The following PXK variants were observed in gnomAD, a reference collection of about 807,000 sequenced individuals.
PXK encodes PX domain containing serine/threonine kinase like, also known as PX domain-containing protein kinase-like protein.
A neutral mutation model predicts 84.7 loss-of-function variants in PXK; 35 were observed. That is an observed-to-expected ratio of 0.41 (90% CI 0.32 to 0.55). PXK has a LOEUF of 0.55. Among genes scored for constraint, PXK ranks in the 20% least tolerant of loss-of-function variants. The pLI is 0.21. For missense variants in PXK, 634 were observed against 699.7 expected, an observed-to-expected ratio of 0.91 and a Z score of 1.06; for synonymous variants, 253 against 260.8, an observed-to-expected ratio of 0.97 and a Z score of 0.29.
At position 58,370,870 on chromosome 3, in the gene PXK, C is replaced by T. The variant is rs1341126502; in HGVS notation, c.201+1392C>T. 1.3e-5 allele frequency among the ~76,000 whole-genome samples: 2 copies of T among 151,314 alleles called. No individual in the cohort carries two copies. Among genetic ancestry groups the T allele is most frequent in the Admixed American group, 6.6e-5 (1 of 15,184 alleles). Reference sequence around the variant, plus strand: ...AAAAATTAGCTGGGTGTGGTGTGGGCGCCTGTAATCCCAGCTACTCAGGGG... The same window carrying T: ...AAAAATTAGCTGGGTGTGGTGTGGGTGCCTGTAATCCCAGCTACTCAGGGG... On this transcript the variant is annotated intron_variant, in intron 3 of 17. Transcript: ENST00000356151. This position sits in a 1 kb window ranked among gnomAD's most constrained non-coding sequence, Gnocchi z 4.2.
intron 1 of PXK, among the ~76,000 whole-genome samples, chr3:58,346,299 G>A (rs1344545809): frequency 2.0e-5 from 3 of 152,112 alleles, no homozygotes; most frequent in Non-Finnish European, 4.4e-5. Context: ...TGTGTGCAAG[G>A]TGCAGTGGAA....
chr3:58,336,053 ATATATATATATATATATATTTTTTT>A lies in PXK; in HGVS notation c.102+2965_102+2989del, dbSNP rs1485931950. Among the ~76,000 whole-genome samples, 160 of 61,220 alleles carry A rather than the reference ATATATATATATATATATATTTTTTT, an allele frequency of 2.6e-3. 2 individuals are homozygous for A. Among genetic ancestry groups the A allele is most frequent in the African/African-American group, 0.017 (148 of 8,864 alleles). The allele number at this position is 61,220 out of a possible 152,430, so 40.2% of individuals were successfully genotyped here. A position where few individuals can be genotyped will look rare whatever the true frequency, so the allele number is the denominator to read the frequency against. ...CCTTGGGAAACATATATATATATAT[ATATATATATATATATATATTTTTTT>A]TTTTTTTTTTTAATACCAATGGGGT... On this transcript the variant is annotated intron_variant, in intron 1 of 17. Coordinates refer to ENST00000356151, the MANE Select transcript of PXK (RefSeq NM_017771.5).
Position 58,409,632 on chromosome 3 carries a change from C to T in PXK, c.1395+14C>T. 6.3e-7 allele frequency: 1 copy of T among 1,596,690 alleles called. No homozygotes were observed. The highest frequency in any genetic ancestry group is 8.6e-7 in the Non-Finnish European group (1 of 1,167,616). ...TTAGCTCGAAAGGTAAGCCTGCTGT[C>T]TCTCTGCAGTCCCTCTATGAGTTCT... is the stretch of plus-strand genomic sequence containing the variant. On this transcript the variant is annotated intron_variant, in intron 15 of 17. Transcript: ENST00000356151. The surrounding 1 kb of genome is among the most constrained non-coding windows in gnomAD (Gnocchi z 4.2).
intron 13 of PXK, among the ~76,000 whole-genome samples, chr3:58,405,039 T>C (rs1003375136): frequency 6.6e-6 from 1 of 152,204 alleles, no homozygotes; most frequent in Non-Finnish European, 1.5e-5. Context: ...GCCTTTAGGA[T>C]TCAGGAGTTA....
chr3:58,366,893 T>A lies in PXK; in HGVS notation c.153+969T>A, dbSNP rs370724610. ...CAGAGTAGAGTTGGAATTTGCTCATTCTCTGTGGTTAACCACTCTACGATC... is the reference window on the plus strand; with the variant it reads ...CAGAGTAGAGTTGGAATTTGCTCATACTCTGTGGTTAACCACTCTACGATC... On this transcript the variant is annotated intron_variant, in intron 2 of 17. Coordinates refer to ENST00000356151, the MANE Select transcript of PXK (RefSeq NM_017771.5). Among the ~76,000 whole-genome samples the A allele has an allele frequency of 3.3e-5, 5 of 152,344 alleles. No homozygotes were observed. The East Asian group carries it at 9.6e-4, about 29-fold the overall frequency.
At chr3:58,367,249 C>CTT (rs374016533) in intron 2 of PXK, among the ~76,000 whole-genome samples, 30 of 143,394 alleles carry the variant, frequency 2.1e-4, no homozygotes, top group African/African-American at 7.4e-4. Flanking sequence ...TTAATAAAAG[C>CTT]TTTTTTTTTT....
intron 1 of PXK, among the ~76,000 whole-genome samples, chr3:58,347,833 A>G (rs916571448): frequency 6.6e-6 from 1 of 152,214 alleles, no homozygotes; most frequent in Non-Finnish European, 1.5e-5. Context: ...TTTGAATTGC[A>G]TTAGTTATTA....
In PXK at chr3:58,364,879, T is replaced by G. The variant is rs2098247559; in HGVS notation, c.103-995T>G. Among the ~76,000 whole-genome samples the G allele has an allele frequency of 6.6e-6, 1 of 152,186 alleles. No individual in the cohort carries two copies. ...CATTTGATATCTGCACAGTCTGTAG[T>G]GGTATCCTAATTCATTCTTGATATT... On this transcript the variant is annotated intron_variant, in intron 1 of 17. Transcript: ENST00000356151. The surrounding 1 kb of genome is among the most constrained non-coding windows in gnomAD (Gnocchi z 4.3).
intron 4 of PXK, among the ~76,000 whole-genome samples, chr3:58,389,069 A>C (rs1221906273): frequency 6.6e-6 from 1 of 152,150 alleles, no homozygotes; most frequent in Non-Finnish European, 1.5e-5. Context: ...AGCTATTTTC[A>C]TAATTTCTTA....
In PXK at chr3:58,395,732, A is replaced by G. The variant is rs2107096111; in HGVS notation, c.795A>G (p.Ile265Met). 6.2e-7 allele frequency: 1 copy of G among 1,612,548 alleles called. No homozygotes were observed. Among genetic ancestry groups the G allele is most frequent in the South Asian group, 1.1e-5 (1 of 91,004 alleles). The change falls in exon 9 of 18, where the codon ATA becomes ATG. Residue 265 changes from isoleucine to methionine, a missense_variant. Ile to Met is a conservative substitution (Grantham distance 10). This residue lies in a region of PXK where 353 missense variants were observed against 385.2 expected (regional missense o/e 0.92). Coordinates refer to ENST00000356151, the MANE Select transcript of PXK (RefSeq NM_017771.5). ...TTCAGGGCCTGGAACTCCAGCAAAT[A>G]AAAACATATGGACGGCAAATATTAG... The part of the protein sequence containing the change: ...KKIQGLELQQ[I>M]KTYGRQILEV...
chr3:58,417,023 G>T lies in PXK; in HGVS notation c.1528+4060G>T, dbSNP rs1423168132. Reference sequence around the variant, plus strand: ...GGGCTCAAGTGATCCTCCTGCCTCAGCCTTCTGAGAGGCTGGGACTATAGG... The same window carrying T: ...GGGCTCAAGTGATCCTCCTGCCTCATCCTTCTGAGAGGCTGGGACTATAGG... On this transcript the variant is annotated intron_variant, in intron 17 of 17. Coordinates refer to ENST00000356151, the MANE Select transcript of PXK (RefSeq NM_017771.5). Among the ~76,000 whole-genome samples, 3 of 152,186 alleles carry T rather than the reference G, an allele frequency of 2.0e-5. No individual in the cohort carries two copies. In the East Asian group the frequency reaches 5.8e-4, roughly 29 times the overall value.
chr3:58,340,188 T>C (rs2097705815), intron 1 of PXK, among the ~76,000 whole-genome samples: 1 of 150,460 alleles, frequency 6.6e-6, no homozygotes, highest in Non-Finnish European at 1.5e-5. Context: ...TGTGGAGTAA[T>C]CTTGGCTTAC....
intron 1 of PXK, among the ~76,000 whole-genome samples, chr3:58,354,947 C>T (rs555185144): frequency 4.0e-4 from 61 of 151,868 alleles, no homozygotes; most frequent in Non-Finnish European, 4.1e-4. Flanking sequence ...GGTAAAATCC[C>T]GTCTCTACTA....
At chr3:58,374,917 A>G (rs2098425053) in intron 3 of PXK, among the ~76,000 whole-genome samples, 1 of 152,204 alleles carries the variant, frequency 6.6e-6, no homozygotes, top group African/African-American at 2.4e-5. Flanking sequence ...TAGGGCAGGA[A>G]AACCACCTCC....
intron 4 of PXK, 78 bp downstream of exon 4, chr3:58,382,778 G>A: frequency 8.9e-7 from 1 of 1,128,844 alleles, no homozygotes; most frequent in Non-Finnish European, 1.2e-6. Flanking sequence ...GTATGTGGGA[G>A]AAATGTTTTC....
intron 1 of PXK, among the ~76,000 whole-genome samples, chr3:58,344,473 T>C (rs749360052): frequency 4.6e-5 from 7 of 152,188 alleles, no homozygotes; most frequent in African/African-American, 9.7e-5. Flanking sequence ...GAGATGCAGC[T>C]CAGGGCCTCC....
At position 58,421,302 on chromosome 3, in the gene PXK, C is replaced by G; in HGVS notation, c.1529-3450C>G. 1 of 985,286 alleles carries G rather than the reference C, an allele frequency of 1.0e-6. No individual in the cohort carries two copies. Among genetic ancestry groups the G allele is most frequent in the Non-Finnish European group, 1.2e-6 (1 of 829,852 alleles). The allele number at this position is 985,286 out of a possible 1,614,324, so 61.0% of individuals were successfully genotyped here. ...GCCTAAGAGTCGGTGGGGAAGGGAG[C>G]CAGGCGCAGTGGCTCACATCTATAA... On this transcript the variant is annotated intron_variant, in intron 17 of 17. Transcript: ENST00000356151. The surrounding 1 kb of genome is among the most constrained non-coding windows in gnomAD (Gnocchi z 5.5).
intron 12 of PXK, 112 bp from the exon 13 acceptor site, chr3:58,403,750 T>G: frequency 2.1e-6 from 1 of 482,928 alleles, no homozygotes; most frequent in Non-Finnish European, 3.6e-6. Flanking sequence ...CTGGAGGATG[T>G]GGTGCAGGGA....
chr3:58,359,123 A>T (rs2098137675), intron 1 of PXK, among the ~76,000 whole-genome samples: 1 of 152,198 alleles, frequency 6.6e-6, no homozygotes, highest in Non-Finnish European at 1.5e-5. Context: ...CACATGTCCA[A>T]ACTTTAAACT....
Sources: allele counts gnomAD v4.1 joint callset (sites outside exome capture counted in the v4.1 genomes callset), GRCh38; gene constraint gnomAD v4.1.1; regional missense constraint gnomAD v4.1.1; non-coding constraint Gnocchi (gnomAD v3.1); transcripts MANE v1.5; gene names NCBI Gene and HGNC (gene_info 2026-07-23, HGNC 2026-07-21).